Variants in PRKCH observed in about 807,000 individuals in gnomAD.
PRKCH encodes the protein protein kinase C eta type.
Under a neutral mutation model 82.5 loss-of-function variants are expected in PRKCH, and 28 were observed. The observed-to-expected ratio is 0.34, with a 90% CI of 0.25 to 0.47. The LOEUF (loss-of-function observed/expected upper bound fraction) is 0.47. Among genes scored for constraint, PRKCH ranks in the 20% least tolerant of loss-of-function variants. The pLI is 1.00. For synonymous variants in PRKCH, 322 were observed against 327.4 expected (o/e 0.98, Z 0.18); for missense variants, 705 against 881.8 (o/e 0.80, Z 2.54).
chr14:61,494,422 G>C (rs1886577620), intron 10 of PRKCH, among the ~76,000 whole-genome samples: 1 of 152,208 alleles, frequency 6.6e-6, no homozygotes, highest in Non-Finnish European at 1.5e-5. Flanking sequence ...GAGTATGTGT[G>C]TGACGCTACA....
chr14:61,319,059 G>A (rs962624301), upstream of PRKCH, among the ~76,000 whole-genome samples: 7 of 152,200 alleles, frequency 4.6e-5, no homozygotes, highest in South Asian at 6.2e-4. Flanking sequence ...CTTCAGAGGC[G>A]TCCAGTGGCC....
At chr14:61,285,925 ACT>A (rs1594891816) in intron 1 of PRKCH, among the ~76,000 whole-genome samples, 1 of 152,060 alleles carries the variant, frequency 6.6e-6, no homozygotes, top group Non-Finnish European at 1.5e-5. Context: ...AGATAAGCAA[ACT>A]CTGTTCCATT....
chr14:61,299,182 G>A (rs374959840), intron 1 of PRKCH, among the ~76,000 whole-genome samples: 23 of 152,286 alleles, frequency 1.5e-4, no homozygotes, highest in African/African-American at 5.3e-4. Context: ...TGTACTGGTG[G>A]ACATGGGTAC....
chr14:61,373,281 A>G (rs2046387034), intron 1 of PRKCH, among the ~76,000 whole-genome samples: 1 of 151,916 alleles, frequency 6.6e-6, no homozygotes, highest in Non-Finnish European at 1.5e-5. Context: ...CAGGAAACTT[A>G]TAATCATGGT....
intron 10 of PRKCH, among the ~76,000 whole-genome samples, chr14:61,513,298 G>C (rs577456515): frequency 1.3e-5 from 2 of 152,304 alleles, no homozygotes; most frequent in Non-Finnish European, 2.9e-5. Flanking sequence ...CCTTGTGCCA[G>C]GTACCTTGTT....
intron 1 of PRKCH, among the ~76,000 whole-genome samples, chr14:61,290,645 GA>G (rs2045353144): frequency 6.6e-6 from 1 of 152,214 alleles, no homozygotes; most frequent in African/African-American, 2.4e-5. Flanking sequence ...TTTGAACAAG[GA>G]TTCTGTGGTT....
chr14:61,352,689 G>GAAAGAAAGAAA (rs1486410316), intron 1 of PRKCH, among the ~76,000 whole-genome samples: 90 of 126,532 alleles, frequency 7.1e-4, no homozygotes, highest in South Asian at 1.4e-3. Context: ...AGAAAGGAAA[G>GAAAGAAAGAAA]GAAAGAAAGA....
At chr14:61,397,652 T>C (rs1185206057) in intron 2 of PRKCH, among the ~76,000 whole-genome samples, 1 of 152,212 alleles carries the variant, frequency 6.6e-6, no homozygotes, top group Admixed American at 6.5e-5. Flanking sequence ...AGTATCTGAG[T>C]GCTTGCTGTA....
At chr14:61,378,893 C>T (rs1401081463) in intron 1 of PRKCH, among the ~76,000 whole-genome samples, 2 of 152,220 alleles carry the variant, frequency 1.3e-5, no homozygotes, top group African/African-American at 4.8e-5. Context: ...GTCTTTCACT[C>T]AGACCATTGG....
At chr14:61,392,428 T>C (rs2046697762) in intron 2 of PRKCH, among the ~76,000 whole-genome samples, 1 of 152,190 alleles carries the variant, frequency 6.6e-6, no homozygotes, top group South Asian at 2.1e-4. Flanking sequence ...TCTATGGCCA[T>C]TGCTTTTCAT....
upstream of PRKCH, among the ~76,000 whole-genome samples, chr14:61,320,366 G>A (rs944039269): frequency 1.3e-5 from 2 of 152,270 alleles, no homozygotes; most frequent in South Asian, 2.1e-4. Context: ...TTGGGAGGCC[G>A]AGGCAGGCGA....
At chr14:61,262,626 A>G (rs2045059675) in intron 1 of PRKCH, among the ~76,000 whole-genome samples, 1 of 152,164 alleles carries the variant, frequency 6.6e-6, no homozygotes, top group Non-Finnish European at 1.5e-5. Flanking sequence ...TACGTTTGTG[A>G]ATACAGCGGA....
At chr14:61,334,469 C>T (rs1004514692) in intron 1 of PRKCH, among the ~76,000 whole-genome samples, 2 of 152,112 alleles carry the variant, frequency 1.3e-5, no homozygotes, top group African/African-American at 4.8e-5. Context: ...GTGCAGCAGA[C>T]TTGCTGCACA....
intron 1 of PRKCH, among the ~76,000 whole-genome samples, chr14:61,369,864 T>C (rs2140171593): frequency 6.6e-6 from 1 of 152,224 alleles, no homozygotes; most frequent in African/African-American, 2.4e-5. Context: ...TTTTAAACTA[T>C]TGATGCATAG....
intron 1 of PRKCH, among the ~76,000 whole-genome samples, chr14:61,209,122 C>T (rs538231606): frequency 1.3e-5 from 2 of 152,226 alleles, no homozygotes; most frequent in South Asian, 4.2e-4. Flanking sequence ...CTCTCTCATG[C>T]TCTCTTGCCC....
At chr14:61,502,411 A>G (rs1886958405) in intron 10 of PRKCH, among the ~76,000 whole-genome samples, 1 of 152,086 alleles carries the variant, frequency 6.6e-6, no homozygotes, top group Non-Finnish European at 1.5e-5. Context: ...AAGTCCTGGA[A>G]ATAATTCTGC....
chr14:61,284,674 A>T (rs1292019403), intron 1 of PRKCH, among the ~76,000 whole-genome samples: 3 of 152,234 alleles, frequency 2.0e-5, no homozygotes. Flanking sequence ...GATGTATTAA[A>T]GGATGCTTGG....
chr14:61,443,693 G>A (rs1594712460), intron 3 of PRKCH, among the ~76,000 whole-genome samples: 2 of 152,044 alleles, frequency 1.3e-5, no homozygotes, highest in Non-Finnish European at 2.9e-5. Flanking sequence ...AGTAGTCTTC[G>A]GCCTCTTGGT....
At chr14:61,408,605 A>G (rs1882092405) in intron 2 of PRKCH, among the ~76,000 whole-genome samples, 2 of 152,070 alleles carry the variant, frequency 1.3e-5, no homozygotes, top group African/African-American at 4.8e-5. Flanking sequence ...TGATACCTAA[A>G]CCCAGGGTTG....
Sources: gnomAD v4.1 joint callset for allele counts (sites outside exome capture counted in the v4.1 genomes callset) on GRCh38, gnomAD v4.1.1 for gene constraint, MANE v1.5 for transcripts, NCBI Gene and HGNC (gene_info 2026-07-23, HGNC 2026-07-21) for gene names.